The following ANO9 variants were observed in gnomAD, a reference collection of about 807,000 sequenced individuals.
The protein encoded by ANO9 is anoctamin-9.
ANO9 carries 80 observed loss-of-function variants against 100.5 expected under a neutral mutation model. The ratio of observed to expected loss-of-function variants is 0.80; its 90% confidence interval spans 0.66 to 0.96. The LOEUF (loss-of-function observed/expected upper bound fraction) is 0.96. Ranked by LOEUF, ANO9 falls within the 40% of genes least tolerant of loss-of-function variation. The pLI, the probability that ANO9 is intolerant of heterozygous loss-of-function variation, is 0.00. For synonymous variants in ANO9, 473 were observed against 435.6 expected, an observed-to-expected ratio of 1.09 and a Z score of -1.07; for missense variants, 1,064 against 1,072.7, an observed-to-expected ratio of 0.99 and a Z score of 0.11.
chr11:419,301 A>T, intron 20 of ANO9: 1 of 1,408,480 alleles, frequency 7.1e-7, no homozygotes, highest in Non-Finnish European at 9.2e-7. Context: ...GCGGAACCTC[A>T]CATCGGGAGG....
rs1201632584 is a variant in ANO9, at chr11:430,101, T to G, written c.753A>C (p.Glu251Asp). ...DHSRRYQRLS[E>D]TCTFAKLTHL... ...GACAAACCTTGGCAAAAGTGCAGGT[T>G]TCCGAGAGCCGCTGGTACCTGCGGC... Residue 251 changes from glutamate to aspartate, a missense_variant, in exon 9 of 23, where the codon GAA becomes GAC. Glu to Asp is a conservative substitution (Grantham distance 45). Transcript: ENST00000332826. 3.9e-6 allele frequency: 6 copies of G among 1,551,424 alleles called. No individual in the cohort carries two copies. Among genetic ancestry groups the G allele is most frequent in the Non-Finnish European group, 5.2e-6 (6 of 1,147,892 alleles).
In ANO9 at chr11:429,801, G is replaced by A; in HGVS notation, c.789C>T (p.Asp263=). ...TGGCGAACACCACCGTGCCATCATT[G>A]TCAAAGAGGTGGGTGAGCTGGGGGG... The part of the protein sequence containing the change: ...CTFAKLTHLF[D]NDGTVVFAIF... Residue 263 remains aspartate, a synonymous_variant, in exon 10 of 23, where the codon GAC becomes GAT. Transcript: ENST00000332826. The A allele has an allele frequency of 6.2e-7, 1 of 1,606,860 alleles. No homozygotes were observed. The highest frequency in any genetic ancestry group is 8.5e-7 in the Non-Finnish European group (1 of 1,175,518).
At position 422,831 on chromosome 11, in the gene ANO9, ATTTT is replaced by A. The variant is rs11334527; in HGVS notation, c.1335-1637_1335-1634del. On this transcript the variant is annotated intron_variant, in intron 15 of 22. Coordinates refer to ENST00000332826, the MANE Select transcript of ANO9 (RefSeq NM_001012302.3). This position sits in a 1 kb window ranked among gnomAD's most constrained non-coding sequence, Gnocchi z 4.3. ...ACAATCTTAAGCCAAGTCCCACAGA[ATTTT>A]TTTTTTTTTTTTCAGACAGAGTCTT... is the stretch of plus-strand genomic sequence containing the variant. 2.8e-5 allele frequency among the ~76,000 whole-genome samples: 4 copies of A among 142,810 alleles called. No individual in the cohort carries two copies. Among genetic ancestry groups the A allele is most frequent in the African/African-American group, 1.0e-4 (4 of 38,858 alleles). The allele number at this position is 142,810 out of a possible 152,430, so 93.7% of individuals were successfully genotyped here. A position where few individuals can be genotyped will look rare whatever the true frequency, so the allele number is the denominator to read the frequency against.
intron 8 of ANO9, 37 bp downstream of exon 8, chr11:430,232 C>CCCCGGCCCCCCATG (rs1848816385): frequency 1.4e-5 from 21 of 1,551,294 alleles, no homozygotes; most frequent in African/African-American, 2.7e-5. Flanking sequence ...GCAGGGCCCA[C>CCCCGGCCCCCCATG]CCCGGCCCCC....
intron 1 of ANO9, among the ~76,000 whole-genome samples, chr11:434,678 G>A (rs186977952): frequency 3.9e-5 from 6 of 152,270 alleles, no homozygotes; most frequent in African/African-American, 9.6e-5. Flanking sequence ...GCATCATGCC[G>A]CCCCCTCACA....
In ANO9 at chr11:419,635, C is replaced by T. The variant is rs146898896; in HGVS notation, c.1881G>A (p.Val627=). ...ATGGGCTATAGCGGTACTTGTAGAC[C>T]ACTCGGGGGATGAACTCAGATGTGA... is the stretch of plus-strand genomic sequence containing the variant. The part of the protein sequence containing the change: ...IAFTSEFIPR[V]VYKYRYSPCL... Residue 627 remains valine (V), a synonymous_variant, in exon 20 of 23, where the codon GTG becomes GTA. Coordinates refer to ENST00000332826, the MANE Select transcript of ANO9 (RefSeq NM_001012302.3). 3.7e-6 allele frequency: 6 copies of T among 1,613,578 alleles called. No individual in the cohort carries two copies. The highest frequency in any genetic ancestry group is 5.1e-6 in the Non-Finnish European group (6 of 1,179,906).
intron 7 of ANO9, among the ~76,000 whole-genome samples, chr11:431,222 G>A (rs1399494807): frequency 1.8e-5 from 2 of 109,274 alleles, no homozygotes; most frequent in Non-Finnish European, 3.9e-5. Context: ...GGGCTCCCGT[G>A]GGTATCTGGG....
At position 418,558 on chromosome 11, in the gene ANO9, G is replaced by T; in HGVS notation, c.2162C>A (p.Ala721Asp). 6.2e-7 allele frequency: 1 copy of T among 1,613,042 alleles called. No individual in the cohort carries two copies. The highest frequency in any genetic ancestry group is 8.5e-7 in the Non-Finnish European group (1 of 1,180,004). Residue 721 changes from alanine (A) to aspartate (D), a missense_variant, in exon 23 of 23, where the codon GCC (alanine) becomes GAC (aspartate). Physicochemically the swap from Ala to Asp is moderately radical, Grantham distance 126. Transcript: ENST00000332826. ...HVALCIKLIA[A>D]WFVPDIPQSV... Reference sequence around the variant, plus strand: ...CTGAGGGATGTCGGGCACGAACCAGGCGGCGATGAGCTTGATGCACAAGGC... The same window carrying T: ...CTGAGGGATGTCGGGCACGAACCAGTCGGCGATGAGCTTGATGCACAAGGC...
rs544319205 is a variant in ANO9 at position 421,443 on chromosome 11, A to G, written c.1335-245T>C. On this transcript the variant is annotated intron_variant, in intron 15 of 22. Coordinates refer to ENST00000332826, the MANE Select transcript of ANO9 (RefSeq NM_001012302.3). This position sits in a 1 kb window ranked among gnomAD's most constrained non-coding sequence, Gnocchi z 6.8. ...ACCGCACCCACACGTGGGCGCGCGC[A>G]CACACACACACACCCCCACACAGGG... Among the ~76,000 whole-genome samples the G allele has an allele frequency of 0.027, 3,309 of 122,388 alleles. 127 individuals are homozygous for G. The highest frequency in any genetic ancestry group is 0.068 in the African/African-American group (2,041 of 30,230). The allele number at this position is 122,388 out of a possible 152,430, so 80.3% of individuals were successfully genotyped here. A position where few individuals can be genotyped will look rare whatever the true frequency, so the allele number is the denominator to read the frequency against.
Position 428,631 on chromosome 11 carries a change from G to A in ANO9, c.1029C>T (p.Leu343=). The A allele has an allele frequency of 6.2e-7, 1 of 1,611,980 alleles. No individual in the cohort carries two copies. Among genetic ancestry groups the A allele is most frequent in the Non-Finnish European group, 8.5e-7 (1 of 1,179,424 alleles). ...ILVLTLLMIC[L]MIGMAHVLVV... is the part of the protein sequence containing the mutation. ...CCAGGACGTGGGCCATGCCGATCAT[G>A]AGGCAGATCTGCGGGACAGCTGTGG... The change falls in exon 13 of 23, where the codon CTC becomes CTT. Residue 343 remains leucine, a synonymous_variant. Transcript: ENST00000332826.
Position 430,014 on chromosome 11 carries a change from C to G in ANO9, c.771+69G>C, listed in dbSNP as rs74316841. The G allele has an allele frequency of 2.2e-3, 3,299 of 1,502,144 alleles. 72 individuals are homozygous for G. The African/African-American group carries it at 0.041, about 19-fold the overall frequency. 93.1% of individuals were successfully genotyped at this position (1,502,144 alleles called of 1,614,324 possible). On this transcript the variant is annotated intron_variant, in intron 9 of 22. Coordinates refer to ENST00000332826, the MANE Select transcript of ANO9 (RefSeq NM_001012302.3). ...TCTGCAGGGCTCCAGGCCTTGATCTCCCCCGCTTCGGGTGGATGCACCGTT... is the reference window on the plus strand; with the variant it reads ...TCTGCAGGGCTCCAGGCCTTGATCTGCCCCGCTTCGGGTGGATGCACCGTT...
intron 13 of ANO9, 23 bp from the exon 14 acceptor site, chr11:428,417 G>C: frequency 6.2e-7 from 1 of 1,612,612 alleles, no homozygotes; most frequent in Non-Finnish European, 8.5e-7. Flanking sequence ...GCACCGAATG[G>C]GCTCACTGGG....
At chr11:436,342 C>T (rs976554575) in intron 1 of ANO9, among the ~76,000 whole-genome samples, 1 of 152,136 alleles carries the variant, frequency 6.6e-6, no homozygotes, top group African/African-American at 2.4e-5. Context: ...GCTGGGATTA[C>T]AGGTGTGAGC....
chr11:419,373 CG>C, intron 20 of ANO9: 1 of 1,415,420 alleles, frequency 7.1e-7, no homozygotes, highest in Non-Finnish European at 9.2e-7. Flanking sequence ...CCCCCAACTG[CG>C]GTCCTGGCCA....
At chr11:435,772 TAG>T (rs1491118428) in intron 1 of ANO9, among the ~76,000 whole-genome samples, 2 of 151,422 alleles carry the variant, frequency 1.3e-5, no homozygotes, top group Non-Finnish European at 2.9e-5. Flanking sequence ...TAGTATGGTG[TAG>T]TCTAGTCTAG....
At position 421,304 on chromosome 11, in the gene ANO9, C is replaced by G; in HGVS notation, c.1335-106G>C. 1 of 1,232,052 alleles carries G rather than the reference C, an allele frequency of 8.1e-7. No homozygotes were observed. Among genetic ancestry groups the G allele is most frequent in the Non-Finnish European group, 1.1e-6 (1 of 918,810 alleles). 76.3% of individuals were successfully genotyped at this position (1,232,052 alleles called of 1,614,324 possible). On this transcript the variant is annotated intron_variant, in intron 15 of 22. Coordinates refer to ENST00000332826, the MANE Select transcript of ANO9 (RefSeq NM_001012302.3). This position sits in a 1 kb window ranked among gnomAD's most constrained non-coding sequence, Gnocchi z 6.8. Reference sequence around the variant, plus strand: ...TAGGAAAGACACAGAACAGGCGGGGCAGGCCCTGCAGGTGAGCGGGGCACA... The same window carrying G: ...TAGGAAAGACACAGAACAGGCGGGGGAGGCCCTGCAGGTGAGCGGGGCACA...
rs754587289 is a variant in ANO9 at position 420,935 on chromosome 11, C to T, written c.1490+10G>A. On this transcript the variant is annotated intron_variant, in intron 17 of 22. Transcript: ENST00000332826. ...GGGGCTCCCGGGGCTGGGCGGGGGT[C>T]GGCACTCACGGGACCAGGTACTCGA... 2.5e-6 allele frequency: 4 copies of T among 1,601,076 alleles called. No individual in the cohort carries two copies. Among genetic ancestry groups the T allele is most frequent in the Admixed American group, 1.7e-5 (1 of 59,670 alleles).
rs1360181508 is a variant in ANO9, at chr11:430,290, A to G, written c.653T>C (p.Leu218Pro). 2 of 1,587,970 alleles carry G rather than the reference A, an allele frequency of 1.3e-6. No individual in the cohort carries two copies. The highest frequency in any genetic ancestry group is 1.8e-5 in the Admixed American group (1 of 57,078). ...CCACCTGATCTGGCTGGCCTCAAAC[A>G]GCGAGAATCCGCTCAGAAAGACTAA... is the stretch of plus-strand genomic sequence containing the variant. ...GLLVFLSGFS[L>P]FEASQISKEI... is the part of the protein sequence containing the mutation. Residue 218 changes from leucine (L) to proline (P), a missense_variant, in exon 8 of 23, where the codon CTG (leucine) becomes CCG (proline). Transcript: ENST00000332826.
intron 15 of ANO9, among the ~76,000 whole-genome samples, chr11:427,686 C>T (rs543886681): frequency 1.8e-4 from 27 of 152,096 alleles, no homozygotes; most frequent in Non-Finnish European, 3.1e-4. Context: ...ACCAGCCTGG[C>T]GACAGCAAGA....
Sources: gnomAD v4.1 joint callset for allele counts (sites outside exome capture counted in the v4.1 genomes callset) on GRCh38, gnomAD v4.1.1 for gene constraint, Gnocchi (gnomAD v3.1) non-coding constraint, MANE v1.5 for transcripts, NCBI Gene and HGNC (gene_info 2026-07-23, HGNC 2026-07-21) for gene names.